Variants in SLC25A42 observed in about 807,000 individuals in gnomAD.
SLC25A42 encodes the protein solute carrier family 25 member 42, also known as mitochondrial coenzyme A transporter SLC25A42.
A neutral mutation model predicts 34.7 loss-of-function variants in SLC25A42; 19 were observed. The observed-to-expected ratio is 0.55, with a 90% CI of 0.38 to 0.80. SLC25A42 has a LOEUF of 0.80. Among genes scored for constraint, SLC25A42 ranks in the 30% least tolerant of loss-of-function variants. SLC25A42 has a pLI of 0.00. For synonymous variants in SLC25A42, 205 were observed against 191.2 expected (o/e 1.07, Z -0.59); for missense variants, 364 against 441.3 (o/e 0.82, Z 1.57).
intron 1 of SLC25A42, among the ~76,000 whole-genome samples, chr19:19,074,556 G>C (rs1445083923): frequency 6.6e-6 from 1 of 152,162 alleles, no homozygotes; most frequent in African/African-American, 2.4e-5. Flanking sequence ...AAGGGGTGGA[G>C]CTGGCAGTTG....
At position 19,112,168 on chromosome 19, in the gene SLC25A42, C is replaced by G. The variant is rs2059869455; in HGVS notation, c.*1292C>G. Reference sequence around the variant, plus strand: ...TCACATCGAACCCCTGACTGGTCTGCCTGGTGCCAGGGTGAGCGTGACCGT... The same window carrying G: ...TCACATCGAACCCCTGACTGGTCTGGCTGGTGCCAGGGTGAGCGTGACCGT... On this transcript the variant is annotated 3_prime_UTR_variant, in exon 8 of 8. Coordinates refer to ENST00000318596, the MANE Select transcript of SLC25A42 (RefSeq NM_178526.5). This position sits in a 1 kb window ranked among gnomAD's most constrained non-coding sequence, Gnocchi z 4.3. 6.6e-6 allele frequency: 1 copy of G among 152,304 alleles called. No homozygotes were observed. Among genetic ancestry groups the G allele is most frequent in the South Asian group, 2.1e-4 (1 of 4,840 alleles). The allele number at this position is 152,304 out of a possible 1,614,324, so 9.4% of individuals were successfully genotyped here. A position where few individuals can be genotyped will look rare whatever the true frequency, so the allele number is the denominator to read the frequency against.
chr19:19,083,999 C>A (rs2059694000), intron 1 of SLC25A42, among the ~76,000 whole-genome samples: 1 of 149,650 alleles, frequency 6.7e-6, no homozygotes, highest in African/African-American at 2.5e-5. Context: ...CACCTGCCCA[C>A]ACCCCACCAC....
intron 1 of SLC25A42, among the ~76,000 whole-genome samples, chr19:19,078,227 G>GT (rs554570145): frequency 9.2e-4 from 140 of 152,302 alleles, no homozygotes; most frequent in African/African-American, 3.2e-3. Flanking sequence ...AGGTCTGGAG[G>GT]TGGGAGACCC....
intron 1 of SLC25A42, among the ~76,000 whole-genome samples, chr19:19,077,107 C>T (rs115316034): frequency 1.9e-4 from 29 of 152,256 alleles, no homozygotes; most frequent in East Asian, 7.7e-4. Flanking sequence ...TCATTTGAGC[C>T]GGGGAGTCGG....
intron 1 of SLC25A42, among the ~76,000 whole-genome samples, chr19:19,070,315 T>C (rs1599663347): frequency 7.1e-6 from 1 of 140,600 alleles, no homozygotes; most frequent in East Asian, 2.1e-4. Context: ...TTTTTTTTTT[T>C]AGACAGAGTT....
rs192916812 is a variant in SLC25A42, at chr19:19,082,133, C to T, written c.-34-13958C>T. Among the ~76,000 whole-genome samples, 86 of 152,284 alleles carry T rather than the reference C, an allele frequency of 5.6e-4. No homozygotes were observed. In the East Asian group the frequency reaches 0.011, roughly 20 times the overall value. On this transcript the variant is annotated intron_variant, in intron 1 of 7. Transcript: ENST00000318596. Reference sequence around the variant, plus strand: ...ACAGCCTGTGTCCACTTCCTTTTGCCGCCATAACCACCACAAATGTGGAGG... The same window carrying T: ...ACAGCCTGTGTCCACTTCCTTTTGCTGCCATAACCACCACAAATGTGGAGG...
intron 1 of SLC25A42, among the ~76,000 whole-genome samples, chr19:19,066,294 G>A (rs2059601515): frequency 6.6e-6 from 1 of 152,138 alleles, no homozygotes; most frequent in African/African-American, 2.4e-5. Flanking sequence ...TCTTCCAGAG[G>A]TAGTCTATGA....
chr19:19,104,441 C>CG (rs1319692601), intron 3 of SLC25A42, among the ~76,000 whole-genome samples: 1 of 152,170 alleles, frequency 6.6e-6, no homozygotes, highest in East Asian at 1.9e-4. Context: ...CACCATGGCT[C>CG]GGGTCCCCCA....
Position 19,064,134 on chromosome 19 carries a change from CATGG to C in SLC25A42, c.-35+22_-35+25del, listed in dbSNP as rs1280973676. On this transcript the variant is annotated intron_variant, in intron 1 of 7. Coordinates refer to ENST00000318596, the MANE Select transcript of SLC25A42 (RefSeq NM_178526.5). ...AACTGAGGTGAGGCACGGGTCCTGT[CATGG>C]ATCCCGGGGCGAGGGGCGGATGAGG... 6.6e-6 allele frequency: 1 copy of C among 152,496 alleles called. No homozygotes were observed. The highest frequency in any genetic ancestry group is 2.4e-5 in the African/African-American group (1 of 41,416). 9.4% of individuals were successfully genotyped at this position (152,496 alleles called of 1,614,324 possible).
intron 1 of SLC25A42, among the ~76,000 whole-genome samples, chr19:19,078,357 T>C (rs550054654): frequency 6.6e-6 from 1 of 152,252 alleles, no homozygotes; most frequent in South Asian, 2.1e-4. Flanking sequence ...TTTGTTTCCC[T>C]GGTCAGCCTG....
chr19:19,092,516 T>C (rs897730028), intron 1 of SLC25A42, among the ~76,000 whole-genome samples: 4 of 152,144 alleles, frequency 2.6e-5, no homozygotes, highest in Admixed American at 6.5e-5. Flanking sequence ...TGGCTCTTCT[T>C]GTTCACAGAG....
chr19:19,101,227 C>T (rs1015907388), intron 2 of SLC25A42, among the ~76,000 whole-genome samples: 5 of 152,146 alleles, frequency 3.3e-5, no homozygotes, highest in South Asian at 2.1e-4. Context: ...GAGCAGTCAA[C>T]GCAGGTTGGC....
chr19:19,110,543 C>T (rs374407150), intron 7 of SLC25A42, 26 bp from the exon 8 acceptor site: 65 of 1,378,294 alleles, frequency 4.7e-5, no homozygotes, highest in Admixed American at 1.1e-4. Context: ...GGCGCCTTCA[C>T]GGCCCTCCCG....
chr19:19,074,509 C>T (rs2059646082), intron 1 of SLC25A42, among the ~76,000 whole-genome samples: 1 of 152,108 alleles, frequency 6.6e-6, no homozygotes, highest in Non-Finnish European at 1.5e-5. Flanking sequence ...CTGTCCCCAC[C>T]CCCACCCAAC....
rs34535990 is a variant in SLC25A42 at position 19,066,453 on chromosome 19, C to CT, written c.-35+2351dup. On this transcript the variant is annotated intron_variant, in intron 1 of 7. Coordinates refer to ENST00000318596, the MANE Select transcript of SLC25A42 (RefSeq NM_178526.5). ...TGCAGCCCATATTTTTTTTTTCTTT[C>CT]TTTTTTTTTTTTTGAGTTGGATTCT... 5.4e-4 allele frequency among the ~76,000 whole-genome samples: 71 copies of CT among 131,806 alleles called. No individual in the cohort carries two copies. In the East Asian group the frequency reaches 6.3e-3, roughly 12 times the overall value. The allele number at this position is 131,806 out of a possible 152,430, so 86.5% of individuals were successfully genotyped here.
intron 1 of SLC25A42, among the ~76,000 whole-genome samples, chr19:19,082,497 G>A (rs2145905781): frequency 6.6e-6 from 1 of 152,160 alleles, no homozygotes; most frequent in South Asian, 2.1e-4. Flanking sequence ...CAAGTAGCTG[G>A]GGCTACAGGA....
At position 19,084,064 on chromosome 19, in the gene SLC25A42, C is replaced by T. The variant is rs113754608; in HGVS notation, c.-34-12027C>T. ...GCCCTGCACACACCTGACTGCACCC[C>T]ACCACCCCAGTGTGCCCCTGCAGGC... On this transcript the variant is annotated intron_variant, in intron 1 of 7. Transcript: ENST00000318596. Among the ~76,000 whole-genome samples, 459 of 149,898 alleles carry T rather than the reference C, an allele frequency of 3.1e-3. 1 individual carries two copies. The highest frequency in any genetic ancestry group is 7.9e-3 in the Admixed American group (119 of 15,110).
At chr19:19,066,016 C>T (rs1178045788) in intron 1 of SLC25A42, among the ~76,000 whole-genome samples, 3 of 152,134 alleles carry the variant, frequency 2.0e-5, no homozygotes, top group Admixed American at 1.3e-4. Flanking sequence ...GCCACCACAC[C>T]CAGCTAATTT....
chr19:19,074,028 G>A (rs910202852), intron 1 of SLC25A42, among the ~76,000 whole-genome samples: 2 of 152,216 alleles, frequency 1.3e-5, no homozygotes, highest in Non-Finnish European at 2.9e-5. Flanking sequence ...CTTTTGAGGC[G>A]AGGACAGTTA....
Sources: gnomAD v4.1 joint callset for allele counts (sites outside exome capture counted in the v4.1 genomes callset) on GRCh38, gnomAD v4.1.1 for gene constraint, Gnocchi (gnomAD v3.1) non-coding constraint, MANE v1.5 for transcripts, NCBI Gene and HGNC (gene_info 2026-07-23, HGNC 2026-07-21) for gene names.